PTPRG: variants seen among roughly 807,000 people sequenced by gnomAD.
The protein encoded by PTPRG is receptor-type tyrosine-protein phosphatase gamma.
PTPRG carries 102 observed loss-of-function variants against 165.3 expected under a neutral mutation model. The observed-to-expected ratio is 0.62, with a 90% CI of 0.53 to 0.73. PTPRG has a LOEUF of 0.73. PTPRG is among the 30% of genes least tolerant of loss of function. The probability of loss-of-function intolerance (pLI) is 0.00; values close to 1 mark genes in which losing one functional copy is unlikely to be tolerated. For missense variants in PTPRG, 1,866 were observed against 1,861.4 expected (o/e 1.00, Z -0.05); for synonymous variants, 675 against 669.5 (o/e 1.01, Z -0.13).
At chr3:62,197,458 G>A (rs1699993030) in intron 10 of PTPRG, among the ~76,000 whole-genome samples, 1 of 152,160 alleles carries the variant, frequency 6.6e-6, no homozygotes, top group African/African-American at 2.4e-5. Context: ...TAATGGAAAT[G>A]AGCATAGCTG....
chr3:61,916,496 G>GA (rs1449947722), intron 2 of PTPRG, among the ~76,000 whole-genome samples: 3 of 152,066 alleles, frequency 2.0e-5, no homozygotes, highest in Non-Finnish European at 2.9e-5. Context: ...ACTGTGCTGA[G>GA]AAAAAAAATC....
At chr3:61,738,457 G>A (rs572134256) in intron 1 of PTPRG, among the ~76,000 whole-genome samples, 1 of 150,996 alleles carries the variant, frequency 6.6e-6, no homozygotes, top group Admixed American at 6.6e-5. Context: ...CCAAAGTTAG[G>A]TGACATAGTT....
chr3:61,781,762 C>T (rs1242263246), intron 2 of PTPRG, among the ~76,000 whole-genome samples: 3 of 152,020 alleles, frequency 2.0e-5, no homozygotes, highest in African/African-American at 7.2e-5. Flanking sequence ...GGGTCTTACT[C>T]TCTTATGTAG....
chr3:62,256,033 C>T (rs978686449), intron 16 of PTPRG, among the ~76,000 whole-genome samples: 1 of 152,120 alleles, frequency 6.6e-6, no homozygotes, highest in Non-Finnish European at 1.5e-5. Flanking sequence ...AGAGTTGTGT[C>T]GAGGAGGCCA....
At chr3:61,744,959 A>G (rs1396159871) in intron 1 of PTPRG, among the ~76,000 whole-genome samples, 1 of 152,042 alleles carries the variant, frequency 6.6e-6, no homozygotes, top group Admixed American at 6.6e-5. Context: ...CATAACATGC[A>G]TAGATACACA....
chr3:61,616,084 G>A (rs1701289670), intron 1 of PTPRG, among the ~76,000 whole-genome samples: 1 of 152,144 alleles, frequency 6.6e-6, no homozygotes, highest in African/African-American at 2.4e-5. Context: ...CCAAGTAGCT[G>A]GAATTATAGT....
intron 1 of PTPRG, among the ~76,000 whole-genome samples, chr3:61,563,833 C>T (rs1286823686): frequency 7.2e-5 from 11 of 152,158 alleles, no homozygotes; most frequent in African/African-American, 2.4e-4. Flanking sequence ...GGACTGGCAG[C>T]GAATGCCCCC....
intron 2 of PTPRG, among the ~76,000 whole-genome samples, chr3:61,911,726 T>G (rs2038808764): frequency 6.6e-6 from 1 of 152,186 alleles, no homozygotes; most frequent in Admixed American, 6.5e-5. Flanking sequence ...ATTAATTTCT[T>G]TTTTCCCCAA....
chr3:61,702,086 C>A (rs560682237), intron 1 of PTPRG, among the ~76,000 whole-genome samples: 14 of 152,156 alleles, frequency 9.2e-5, no homozygotes, highest in Non-Finnish European at 1.3e-4. Flanking sequence ...TCAAGTGATT[C>A]TCCTGCCTCA....
chr3:61,914,999 G>A (rs1169784299), intron 2 of PTPRG, among the ~76,000 whole-genome samples: 1 of 152,250 alleles, frequency 6.6e-6, no homozygotes, highest in South Asian at 2.1e-4. Flanking sequence ...GGGAGGCCAA[G>A]GCGGGCGGAT....
At chr3:62,124,546 G>A in intron 5 of PTPRG, 3 of 1,445,218 alleles carry the variant, frequency 2.1e-6, no homozygotes, top group East Asian at 4.5e-5. Flanking sequence ...TCTGGGAGAT[G>A]CCCAGGCGGT....
chr3:62,104,341 T>G (rs1702399357), intron 5 of PTPRG, among the ~76,000 whole-genome samples: 1 of 152,210 alleles, frequency 6.6e-6, no homozygotes, highest in Non-Finnish European at 1.5e-5. Context: ...TTTTGCTTTG[T>G]TTTGTCAGCC....
chr3:62,073,227 G>A (rs1261834579), intron 4 of PTPRG, among the ~76,000 whole-genome samples: 2 of 152,202 alleles, frequency 1.3e-5, no homozygotes, highest in African/African-American at 4.8e-5. Flanking sequence ...AATGAATATA[G>A]AAGGAATGGT....
intron 2 of PTPRG, among the ~76,000 whole-genome samples, chr3:61,985,841 A>G (rs1365332188): frequency 1.3e-5 from 2 of 152,204 alleles, no homozygotes; most frequent in African/African-American, 4.8e-5. Context: ...CTTTCTTTAA[A>G]AAGCCATAGT....
At chr3:62,070,955 AAAG>A (rs1392087803) in intron 4 of PTPRG, among the ~76,000 whole-genome samples, 1 of 152,094 alleles carries the variant, frequency 6.6e-6, no homozygotes, top group Non-Finnish European at 1.5e-5. Flanking sequence ...AAAGAAAAAA[AAAG>A]AAAAATACAT....
intron 1 of PTPRG, among the ~76,000 whole-genome samples, chr3:61,591,571 C>T (rs892579409): frequency 2.0e-5 from 3 of 152,270 alleles, no homozygotes; most frequent in African/African-American, 7.2e-5. Flanking sequence ...CCAGTGGCTT[C>T]TCCTTCTCTA....
At chr3:61,960,239 G>A (rs943217782) in intron 2 of PTPRG, among the ~76,000 whole-genome samples, 1 of 151,670 alleles carries the variant, frequency 6.6e-6, no homozygotes, top group African/African-American at 2.4e-5. Context: ...TCGGTGCTTG[G>A]TATCCAGTAG....
At chr3:61,740,426 T>C (rs1271359395) in intron 1 of PTPRG, among the ~76,000 whole-genome samples, 1 of 152,216 alleles carries the variant, frequency 6.6e-6, no homozygotes, top group Non-Finnish European at 1.5e-5. Flanking sequence ...TATAAGTGTA[T>C]CTTTTCTGAG....
chr3:61,593,701 A>G (rs1700628993), intron 1 of PTPRG, among the ~76,000 whole-genome samples: 1 of 78,740 alleles, frequency 1.3e-5, no homozygotes, highest in East Asian at 2.8e-4. Context: ...GGGGGTCAGG[A>G]AAACTGGAAA....
Sources: allele counts gnomAD v4.1 joint callset (sites outside exome capture counted in the v4.1 genomes callset), GRCh38; gene constraint gnomAD v4.1.1; transcripts MANE v1.5; gene names NCBI Gene and HGNC (gene_info 2026-07-23, HGNC 2026-07-21).